The following CCDC102B variants were observed in gnomAD, a reference collection of about 807,000 sequenced individuals.
The protein encoded by CCDC102B is coiled-coil domain-containing protein 102B.
CCDC102B carries 75 observed loss-of-function variants against 57.4 expected under a neutral mutation model. The ratio of observed to expected loss-of-function variants is 1.31; its 90% confidence interval spans 1.08 to 1.58. The LOEUF is 1.58. CCDC102B is among the 40% of genes most tolerant of loss of function. The pLI is 0.00. For synonymous variants in CCDC102B, 206 were observed against 201.9 expected (o/e 1.02, Z -0.17); for missense variants, 636 against 582.6 (o/e 1.09, Z -0.94).
intron 2 of CCDC102B, among the ~76,000 whole-genome samples, chr18:68,762,751 A>T (rs138725077): frequency 1.3e-5 from 2 of 152,094 alleles, no homozygotes; most frequent in African/African-American, 4.8e-5. Flanking sequence ...TTGCTGATGC[A>T]CCTCACACTG....
rs973752664 is a variant in CCDC102B, at chr18:68,859,179, T to C, written c.936+12758T>C. 5.0e-5 allele frequency: 7 copies of C among 141,148 alleles called. No individual in the cohort carries two copies. In the East Asian group the frequency reaches 1.5e-3, roughly 29 times the overall value. The allele number at this position is 141,148 out of a possible 1,614,324, so 8.7% of individuals were successfully genotyped here. On this transcript the variant is annotated intron_variant, in intron 4 of 7. Coordinates refer to ENST00000360242, the MANE Select transcript of CCDC102B (RefSeq NM_024781.3). ...ACAACTATCTGATCTTTGACAAACC[T>C]GAGAAAAACAAGCAATGGGGAAAGG...
At chr18:68,967,983 C>A (rs2050205753) in intron 6 of CCDC102B, among the ~76,000 whole-genome samples, 1 of 151,980 alleles carries the variant, frequency 6.6e-6, no homozygotes, top group Non-Finnish European at 1.5e-5. Context: ...TTATTTCCTA[C>A]AAAAATGTCA....
chr18:69,031,963 A>AT (rs563876018), intron 7 of CCDC102B, among the ~76,000 whole-genome samples: 2,180 of 149,678 alleles, frequency 0.015, 42 homozygotes, highest in East Asian at 0.083. Context: ...TCTGTCACTG[A>AT]TTTTTTTTTT....
At position 68,904,840 on chromosome 18, in the gene CCDC102B, TGATAA is replaced by T. The variant is rs1203880071; in HGVS notation, c.1263+7419_1263+7423del. Among the ~76,000 whole-genome samples the T allele has an allele frequency of 2.6e-3, 389 of 152,306 alleles. 10 individuals are homozygous for T. The highest frequency in any genetic ancestry group is 2.3e-3 in the South Asian group (11 of 4,822). On this transcript the variant is annotated intron_variant, in intron 6 of 7. Transcript: ENST00000360242. The stretch of plus-strand genomic sequence containing the variant: ...AACGTTATTACTAAGAATAAATTAG[TGATAA>T]GATAAGTTTTACATCCTTTTACTTT...
intron 6 of CCDC102B, among the ~76,000 whole-genome samples, chr18:68,952,941 A>G (rs565119727): frequency 1.2e-4 from 18 of 152,236 alleles, no homozygotes; most frequent in African/African-American, 4.3e-4. Flanking sequence ...GGGGTAGTGT[A>G]CTGTGTTTCA....
intron 6 of CCDC102B, among the ~76,000 whole-genome samples, chr18:68,949,412 CAAATAT>C (rs1360480155): frequency 2.0e-5 from 3 of 152,052 alleles, no homozygotes; most frequent in African/African-American, 7.2e-5. Context: ...ATGATCTTTG[CAAATAT>C]CCCGACAAGG....
intron 7 of CCDC102B, among the ~76,000 whole-genome samples, chr18:69,026,457 C>CAAAAAAAAA (rs547625543): frequency 1.3e-5 from 1 of 74,984 alleles, no homozygotes; most frequent in Non-Finnish European, 3.0e-5. Context: ...AACCCTGTCT[C>CAAAAAAAAA]AAAAAAAAAA....
intron 7 of CCDC102B, among the ~76,000 whole-genome samples, chr18:69,018,767 T>C (rs77611758): frequency 0.029 from 4,478 of 152,234 alleles, 138 homozygotes; most frequent in East Asian, 0.15. Flanking sequence ...TTTAGTTTTA[T>C]GCAGTTCTAA....
rs34120526 is a variant in CCDC102B, at chr18:68,861,137, T to TAAA, written c.937-13523_937-13521dup. Among the ~76,000 whole-genome samples the TAAA allele has an allele frequency of 4.2e-3, 631 of 150,458 alleles. 2 individuals are homozygous for TAAA. The highest frequency in any genetic ancestry group is 7.1e-3 in the East Asian group (36 of 5,086). On this transcript the variant is annotated intron_variant, in intron 4 of 7. Coordinates refer to ENST00000360242, the MANE Select transcript of CCDC102B (RefSeq NM_024781.3). ...TTTAGCTATCATTATTAAAACATAA[T>TAAA]AAAAAAAAAAATACATGCTCCAAGT...
At chr18:68,969,090 C>T (rs1382060171) in intron 6 of CCDC102B, among the ~76,000 whole-genome samples, 6 of 152,114 alleles carry the variant, frequency 3.9e-5, no homozygotes, top group African/African-American at 9.7e-5. Flanking sequence ...GTAGAAAACA[C>T]ATTAGCCTAA....
chr18:68,869,640 G>A (rs544744555), intron 4 of CCDC102B, among the ~76,000 whole-genome samples: 2 of 152,194 alleles, frequency 1.3e-5, no homozygotes, highest in African/African-American at 2.4e-5. Context: ...CAGATGGATA[G>A]ATTGCAAAAA....
At chr18:69,055,265 A>G (rs576926668), downstream of CCDC102B, 7 of 608,846 alleles carry the variant, frequency 1.1e-5, no homozygotes, top group Non-Finnish European at 1.4e-5. Context: ...GGGGGATTGT[A>G]TGACTAATAG....
chr18:68,765,318 AAG>A (rs1568238695), intron 2 of CCDC102B, among the ~76,000 whole-genome samples: 3,386 of 59,436 alleles, frequency 0.057, 39 homozygotes, highest in East Asian at 0.13. Context: ...GGAAGGAAGG[AAG>A]GAAGGAAAGA....
At chr18:68,907,657 G>A (rs1328956542) in intron 6 of CCDC102B, among the ~76,000 whole-genome samples, 1 of 152,180 alleles carries the variant, frequency 6.6e-6, no homozygotes, top group Non-Finnish European at 1.5e-5. Context: ...CAACTTTGCT[G>A]AAGTTGTATA....
chr18:68,840,488 A>C (rs866768709), intron 3 of CCDC102B, among the ~76,000 whole-genome samples: 1 of 152,182 alleles, frequency 6.6e-6, no homozygotes, highest in Non-Finnish European at 1.5e-5. Context: ...ACAAGTATCT[A>C]TGTACAGAAT....
intron 1 of CCDC102B, among the ~76,000 whole-genome samples, chr18:68,799,858 C>T (rs2035781940): frequency 1.3e-5 from 2 of 152,046 alleles, no homozygotes; most frequent in Admixed American, 1.3e-4. Flanking sequence ...ACGTTGTACT[C>T]AATACATAGA....
At chr18:68,965,767 A>AT (rs756250840) in intron 6 of CCDC102B, among the ~76,000 whole-genome samples, 19 of 151,936 alleles carry the variant, frequency 1.3e-4, no homozygotes, top group Non-Finnish European at 2.1e-4. Context: ...GTGATGGGTA[A>AT]TTTTTTACTA....
intron 6 of CCDC102B, among the ~76,000 whole-genome samples, chr18:69,010,001 G>A (rs1329635489): frequency 7.7e-6 from 1 of 129,548 alleles, no homozygotes; most frequent in South Asian, 2.5e-4. Context: ...GCGCTATCTC[G>A]GCTCACTGCA....
intron 6 of CCDC102B, among the ~76,000 whole-genome samples, chr18:68,941,768 A>G (rs2049386441): frequency 6.6e-6 from 1 of 152,156 alleles, no homozygotes; most frequent in African/African-American, 2.4e-5. Flanking sequence ...ATGAAAGTAC[A>G]GAGGAACAGT....
Sources: allele counts gnomAD v4.1 joint callset (sites outside exome capture counted in the v4.1 genomes callset), GRCh38; gene constraint gnomAD v4.1.1; transcripts MANE v1.5; gene names NCBI Gene and HGNC (gene_info 2026-07-23, HGNC 2026-07-21).